Variants in RBPJ observed in about 807,000 individuals in gnomAD.
RBPJ encodes the protein recombining binding protein suppressor of hairless.
Under a neutral mutation model 67.8 loss-of-function variants are expected in RBPJ, and 9 were observed. The observed-to-expected ratio is 0.13, with a 90% CI of 0.08 to 0.23. The LOEUF (loss-of-function observed/expected upper bound fraction) is 0.23, where lower values mean the gene tolerates loss of function less well. Ranked by LOEUF, RBPJ falls within the 10% of genes least tolerant of loss-of-function variation. RBPJ has a pLI of 1.00. For missense variants in RBPJ, 305 were observed against 595.6 expected (o/e 0.51, Z 5.08); for synonymous variants, 198 against 203.3 (o/e 0.97, Z 0.22).
At chr4:26,245,111 A>C (rs567080402) in intron 1 of RBPJ, among the ~76,000 whole-genome samples, 1 of 151,468 alleles carries the variant, frequency 6.6e-6, no homozygotes, top group Non-Finnish European at 1.5e-5. Flanking sequence ...CTCTAATTGC[A>C]GAACTTTTTT....
chr4:26,420,475 T>C (rs2109804076), intron 4 of RBPJ, 76 bp from the exon 5 acceptor site: 1 of 956,940 alleles, frequency 1.0e-6, no homozygotes, highest in East Asian at 2.9e-5. Flanking sequence ...ACTTAAACCA[T>C]GGCCATTCTG....
intron 1 of RBPJ, among the ~76,000 whole-genome samples, chr4:26,253,168 C>A (rs984520106): frequency 1.3e-5 from 2 of 151,990 alleles, no homozygotes; most frequent in Non-Finnish European, 2.9e-5. Context: ...ACCGGGTAAC[C>A]CGGTATTACT....
chr4:26,167,245 C>G (rs1237837998), intron 1 of RBPJ, among the ~76,000 whole-genome samples: 1 of 152,134 alleles, frequency 6.6e-6, no homozygotes, highest in Non-Finnish European at 1.5e-5. Flanking sequence ...TTTTCCAATT[C>G]TGTGAAGAAA....
At chr4:26,352,567 A>ACT (rs1339763306) in intron 1 of RBPJ, among the ~76,000 whole-genome samples, 1 of 152,178 alleles carries the variant, frequency 6.6e-6, no homozygotes, top group East Asian at 1.9e-4. Context: ...TGGGAGGCCG[A>ACT]GGTGGGTGCA....
At chr4:26,248,485 T>A (rs1719997860) in intron 1 of RBPJ, among the ~76,000 whole-genome samples, 1 of 152,200 alleles carries the variant, frequency 6.6e-6, no homozygotes, top group South Asian at 2.1e-4. Context: ...ACCTCCCAAA[T>A]AATGCAGAAT....
the RBPJ span, among the ~76,000 whole-genome samples, chr4:26,137,515 A>G: frequency 6.6e-6 from 1 of 152,162 alleles, no homozygotes; most frequent in African/African-American, 2.4e-5. Context: ...TATGGAGAGA[A>G]GCAGTGTGGG....
chr4:26,369,521 G>A (rs1577541930), intron 1 of RBPJ, among the ~76,000 whole-genome samples: 2 of 152,166 alleles, frequency 1.3e-5, no homozygotes, highest in East Asian at 3.8e-4. Flanking sequence ...GGATTTTGAG[G>A]AAGCAAAATG....
At chr4:26,285,098 G>A (rs1057050498) in intron 1 of RBPJ, among the ~76,000 whole-genome samples, 2 of 151,840 alleles carry the variant, frequency 1.3e-5, no homozygotes, top group African/African-American at 2.4e-5. Flanking sequence ...CTTGTGATCC[G>A]CCCACCTCGG....
intron 1 of RBPJ, among the ~76,000 whole-genome samples, chr4:26,336,872 C>T (rs1312239676): frequency 6.6e-6 from 1 of 152,074 alleles, no homozygotes; most frequent in Non-Finnish European, 1.5e-5. Context: ...TTAAAAATAA[C>T]TTTTACCACC....
At chr4:26,394,638 G>A (rs76472515) in intron 2 of RBPJ, among the ~76,000 whole-genome samples, 1,739 of 152,200 alleles carry the variant, frequency 0.011, 39 homozygotes, top group African/African-American at 0.039. Flanking sequence ...TTAGTGTGTC[G>A]AGTGGAGGTG....
chr4:26,313,742 A>C, intron 1 of RBPJ, among the ~76,000 whole-genome samples: 1 of 151,964 alleles, frequency 6.6e-6, no homozygotes, highest in South Asian at 2.1e-4. Flanking sequence ...AGGTTGAGGT[A>C]GAAGAATTGC....
chr4:26,286,472 C>CAAA (rs57556548), intron 1 of RBPJ, among the ~76,000 whole-genome samples: 5,546 of 98,926 alleles, frequency 0.056, 162 homozygotes, highest in African/African-American at 0.11. Flanking sequence ...GACCCTGCCT[C>CAAA]AAAAAAAAAA....
upstream of RBPJ, among the ~76,000 whole-genome samples, chr4:26,316,520 C>CAT (rs550127028): frequency 1.7e-5 from 2 of 115,146 alleles, no homozygotes; most frequent in African/African-American, 6.2e-5. Context: ...CATATATATT[C>CAT]ATATATATAT....
At chr4:26,267,421 T>C (rs1451423758) in intron 1 of RBPJ, among the ~76,000 whole-genome samples, 1 of 152,104 alleles carries the variant, frequency 6.6e-6, no homozygotes, top group East Asian at 1.9e-4. Context: ...GAAAAGCAAC[T>C]TGTAGTCACA....
At chr4:26,210,824 T>C (rs1180116147) in intron 1 of RBPJ, among the ~76,000 whole-genome samples, 1 of 148,754 alleles carries the variant, frequency 6.7e-6, no homozygotes, top group Non-Finnish European at 1.5e-5. Context: ...CCTGTGTGTC[T>C]GGCTCTTTTA....
At chr4:26,364,811 G>C (rs35466937) in intron 1 of RBPJ, among the ~76,000 whole-genome samples, 1 of 151,518 alleles carries the variant, frequency 6.6e-6, no homozygotes, top group Non-Finnish European at 1.5e-5. Flanking sequence ...ATTTTTAGTA[G>C]AGACGGGGTT....
chr4:26,269,239 A>ATTATTTATTTATTTATTTAT (rs372091669), intron 1 of RBPJ, among the ~76,000 whole-genome samples: 2 of 148,888 alleles, frequency 1.3e-5, no homozygotes, highest in African/African-American at 4.9e-5. Context: ...TTTATTTTTT[A>ATTATTTATTTATTTATTTAT]TTATTTATTT....
At chr4:26,217,080 A>G (rs970909443) in intron 1 of RBPJ, among the ~76,000 whole-genome samples, 24 of 152,190 alleles carry the variant, frequency 1.6e-4, no homozygotes, top group African/African-American at 5.8e-4. Flanking sequence ...GGTGGTTTGG[A>G]CTAGATGGCT....
intron 1 of RBPJ, among the ~76,000 whole-genome samples, chr4:26,253,401 T>G (rs1720181798): frequency 7.1e-6 from 1 of 141,588 alleles, no homozygotes; most frequent in Non-Finnish European, 1.5e-5. Flanking sequence ...AAGCTCCGCC[T>G]TCCGGGTTCA....
Sources: gnomAD v4.1 joint callset for allele counts (sites outside exome capture counted in the v4.1 genomes callset) on GRCh38, gnomAD v4.1.1 for gene constraint, MANE v1.5 for transcripts, NCBI Gene and HGNC (gene_info 2026-07-23, HGNC 2026-07-21) for gene names.